Variants in LOC400499 observed in about 807,000 individuals in gnomAD.
the LOC400499 span, among the ~76,000 whole-genome samples, chr16:11,458,574 A>C: frequency 1.3e-5 from 2 of 151,990 alleles, no homozygotes; most frequent in South Asian, 4.2e-4. Context: ...CAAAAATCCG[A>C]AACAGAAAGT....
chr16:11,381,721 T>TAACC, the LOC400499 span, among the ~76,000 whole-genome samples: 2 of 152,212 alleles, frequency 1.3e-5, no homozygotes, highest in African/African-American at 4.8e-5. Flanking sequence ...GTACACACAC[T>TAACC]AACCTCATGC....
chr16:11,458,609 G>C, the LOC400499 span, among the ~76,000 whole-genome samples: 1 of 152,190 alleles, frequency 6.6e-6, no homozygotes, highest in East Asian at 1.9e-4. Context: ...CAGGGACTGG[G>C]AGAAGGAGAG....
At chr16:11,481,294 C>T in the LOC400499 span, among the ~76,000 whole-genome samples, 1 of 152,144 alleles carries the variant, frequency 6.6e-6, no homozygotes, top group African/African-American at 2.4e-5. Context: ...GGTGGCACAA[C>T]ATGGTGAATG....
At chr16:11,415,814 C>T in the LOC400499 span, among the ~76,000 whole-genome samples, 1 of 152,062 alleles carries the variant, frequency 6.6e-6, no homozygotes, top group Admixed American at 6.6e-5. Flanking sequence ...TCCAGAATGG[C>T]CTCCCCTCAC....
the LOC400499 span, among the ~76,000 whole-genome samples, chr16:11,493,180 T>C: frequency 6.6e-6 from 1 of 152,166 alleles, no homozygotes; most frequent in Non-Finnish European, 1.5e-5. Flanking sequence ...AGGGAGGTAG[T>C]GGTCCAGGGA....
At chr16:11,437,229 G>A in the LOC400499 span, among the ~76,000 whole-genome samples, 7 of 152,294 alleles carry the variant, frequency 4.6e-5, no homozygotes, top group Non-Finnish European at 7.4e-5. Context: ...GAATGATGCC[G>A]TAATGGCAGA....
the LOC400499 span, among the ~76,000 whole-genome samples, chr16:11,500,261 A>C: frequency 6.6e-6 from 1 of 152,036 alleles, no homozygotes; most frequent in Non-Finnish European, 1.5e-5. Flanking sequence ...TAATCCCAGC[A>C]CTGTGGGAGG....
At chr16:11,458,608 G>T in the LOC400499 span, among the ~76,000 whole-genome samples, 18 of 152,002 alleles carry the variant, frequency 1.2e-4, no homozygotes, top group African/African-American at 4.3e-4. Flanking sequence ...CCAGGGACTG[G>T]GAGAAGGAGA....
At chr16:11,478,692 G>T in the LOC400499 span, 1 of 399,182 alleles carries the variant, frequency 2.5e-6, no homozygotes, top group East Asian at 3.6e-5. Flanking sequence ...TCACCTGGGG[G>T]AGAGCCCAGA....
At chr16:11,379,054 A>G in the LOC400499 span, among the ~76,000 whole-genome samples, 1 of 152,224 alleles carries the variant, frequency 6.6e-6, no homozygotes, top group Non-Finnish European at 1.5e-5. Flanking sequence ...ACCTGAGGTC[A>G]GGAGTTCAAG....
the LOC400499 span, among the ~76,000 whole-genome samples, chr16:11,429,525 G>C: frequency 3.3e-5 from 5 of 152,200 alleles, no homozygotes; most frequent in Non-Finnish European, 7.3e-5. Context: ...CAGGATTGGA[G>C]AGCAGTGGTG....
the LOC400499 span, among the ~76,000 whole-genome samples, chr16:11,521,555 AC>A: frequency 6.6e-6 from 1 of 152,024 alleles, no homozygotes; most frequent in Non-Finnish European, 1.5e-5. Flanking sequence ...CTGGGAATAG[AC>A]TTCCACCCAG....
the LOC400499 span, chr16:11,446,996 G>A: frequency 3.5e-6 from 5 of 1,421,166 alleles, no homozygotes; most frequent in African/African-American, 1.4e-5. Context: ...TCTCAGCCTG[G>A]GCCTGTCACG....
the LOC400499 span, among the ~76,000 whole-genome samples, chr16:11,391,391 G>GGC: frequency 0.29 from 44,624 of 151,992 alleles, 6,700 homozygotes; most frequent in African/African-American, 0.32. Context: ...AAAGAAAGCA[G>GGC]GCGGGAGACT....
the LOC400499 span, among the ~76,000 whole-genome samples, chr16:11,376,190 A>G: frequency 2.0e-5 from 3 of 152,330 alleles, no homozygotes; most frequent in Middle Eastern, 0.01. Context: ...AGTATCCTTC[A>G]ATGCGATCCA....
At chr16:11,518,860 C>T in the LOC400499 span, 3 of 399,070 alleles carry the variant, frequency 7.5e-6, no homozygotes, top group African/African-American at 2.1e-5. Context: ...GCTCCAGCCC[C>T]ATCGTGAGCA....
At chr16:11,473,755 CA>C in the LOC400499 span, among the ~76,000 whole-genome samples, 1,407 of 138,916 alleles carry the variant, frequency 0.01, 16 homozygotes, top group African/African-American at 0.033. Flanking sequence ...AACTCTGTCT[CA>C]AAAAAAAAAA....
At chr16:11,392,456 C>T in the LOC400499 span, 10 of 398,880 alleles carry the variant, frequency 2.5e-5, no homozygotes, top group Admixed American at 4.4e-5. Flanking sequence ...CTCGGCTGTC[C>T]GCCCATGGGC....
the LOC400499 span, among the ~76,000 whole-genome samples, chr16:11,489,432 G>C: frequency 0.015 from 2,218 of 152,260 alleles, 50 homozygotes; most frequent in African/African-American, 0.051. Context: ...ATCAACAAAA[G>C]GTGACATGTG....
Sources: gnomAD v4.1 joint callset for allele counts (sites outside exome capture counted in the v4.1 genomes callset) on GRCh38, gnomAD v4.1.1 for gene constraint, MANE v1.5 for transcripts.